Variants in LRP2 observed in about 807,000 individuals in gnomAD.
LRP2 encodes low-density lipoprotein receptor-related protein 2.
LRP2 carries 172 observed loss-of-function variants against 531.0 expected under a neutral mutation model. That is an observed-to-expected ratio of 0.32 (90% CI 0.29 to 0.37). LRP2 has a LOEUF of 0.37. Ranked by LOEUF, LRP2 falls within the 10% of genes least tolerant of loss-of-function variation. LRP2 has a pLI of 1.00. For synonymous variants in LRP2, 1,992 were observed against 2,027.6 expected (o/e 0.98, Z 0.47); for missense variants, 5,167 against 5,868.3 (o/e 0.88, Z 3.90).
chr2:169,128,219 C>T lies in LRP2; in HGVS notation c.*444G>A, dbSNP rs114836292. On this transcript the variant is annotated 3_prime_UTR_variant, in exon 79 of 79. Coordinates refer to ENST00000649046, the MANE Select transcript of LRP2 (RefSeq NM_004525.3). The stretch of plus-strand genomic sequence containing the variant: ...TAATGTGTAAAAATGGACCCAAGAG[C>T]GGGGCCTGGATTCCTTTCCTAGATA... 2.7e-3 allele frequency: 485 copies of T among 178,630 alleles called. 2 individuals carry two copies. Among genetic ancestry groups the T allele is most frequent in the African/African-American group, 0.011 (447 of 41,636 alleles). The allele number at this position is 178,630 out of a possible 1,614,324, so 11.1% of individuals were successfully genotyped here. A position where few individuals can be genotyped will look rare whatever the true frequency, so the allele number is the denominator to read the frequency against.
intron 62 of LRP2, among the ~76,000 whole-genome samples, chr2:169,165,617 C>G (rs1161653654): frequency 1.3e-5 from 2 of 152,142 alleles, no homozygotes; most frequent in Non-Finnish European, 2.9e-5. Flanking sequence ...CGAGGTGTGG[C>G]TCAATCAGTA....
At chr2:169,226,314 A>G (rs918854181) in intron 32 of LRP2, 108 bp downstream of exon 32, 2 of 881,592 alleles carry the variant, frequency 2.3e-6, no homozygotes, top group Admixed American at 2.0e-5. Flanking sequence ...TTATTTCCAC[A>G]TTGTTTCCCT....
chr2:169,129,983 G>A (rs931929437), intron 77 of LRP2, among the ~76,000 whole-genome samples: 3 of 152,168 alleles, frequency 2.0e-5, no homozygotes, highest in Admixed American at 2.0e-4. Flanking sequence ...GTGGAGGAGT[G>A]GGGAACACAG....
intron 23 of LRP2, 60 bp from the exon 24 acceptor site, chr2:169,243,132 A>C (rs1175648387): frequency 6.6e-6 from 9 of 1,366,318 alleles, no homozygotes; most frequent in Non-Finnish European, 3.1e-6. Flanking sequence ...CTAAACACTG[A>C]GATTTTTCTT....
At chr2:169,187,889 G>A in intron 49 of LRP2, 81 bp downstream of exon 49, 1 of 1,434,432 alleles carries the variant, frequency 7.0e-7, no homozygotes, top group Non-Finnish European at 9.8e-7. Context: ...AGGACAGGTT[G>A]GAAAGTCTAA....
intron 3 of LRP2, among the ~76,000 whole-genome samples, chr2:169,307,939 A>G (rs1684470569): frequency 6.6e-6 from 1 of 152,216 alleles, no homozygotes; most frequent in Non-Finnish European, 1.5e-5. Context: ...TGATTAGTAT[A>G]GGTGAAAGCA....
chr2:169,289,874 C>G (rs1206652053), intron 8 of LRP2, among the ~76,000 whole-genome samples: 1 of 150,516 alleles, frequency 6.6e-6, no homozygotes, highest in African/African-American at 2.4e-5. Flanking sequence ...AATGGGCTCC[C>G]AAATGAAATA....
chr2:169,320,233 GA>G (rs1365066287), intron 2 of LRP2, among the ~76,000 whole-genome samples: 2 of 152,244 alleles, frequency 1.3e-5, no homozygotes, highest in African/African-American at 4.8e-5. Context: ...TAATTAATTA[GA>G]TTTGAAGTTT....
At chr2:169,271,941 A>G (rs1683428983) in intron 15 of LRP2, among the ~76,000 whole-genome samples, 1 of 152,152 alleles carries the variant, frequency 6.6e-6, no homozygotes, top group South Asian at 2.1e-4. Flanking sequence ...CAAGAAGATG[A>G]AGGAGGTATG....
intron 76 of LRP2, among the ~76,000 whole-genome samples, chr2:169,134,586 G>C (rs564564131): frequency 9.9e-5 from 15 of 152,264 alleles, no homozygotes; most frequent in African/African-American, 3.6e-4. Context: ...CTATGCTATA[G>C]TATCTTCCAC....
intron 53 of LRP2, among the ~76,000 whole-genome samples, chr2:169,177,299 T>A (rs1000796717): frequency 2.0e-5 from 3 of 152,136 alleles, no homozygotes; most frequent in Non-Finnish European, 4.4e-5. Context: ...GAATATAAGT[T>A]CACAATCAAA....
chr2:169,219,031 A>C (rs984412096), intron 34 of LRP2, among the ~76,000 whole-genome samples: 5 of 152,172 alleles, frequency 3.3e-5, no homozygotes, highest in Admixed American at 3.3e-4. Flanking sequence ...CCACCCAACA[A>C]AGGTACACAA....
At chr2:169,235,514 C>T (rs1689573489) in intron 29 of LRP2, among the ~76,000 whole-genome samples, 1 of 152,190 alleles carries the variant, frequency 6.6e-6, no homozygotes, top group African/African-American at 2.4e-5. Context: ...GCTGGGATCA[C>T]AGGCGTGAGC....
intron 70 of LRP2, among the ~76,000 whole-genome samples, 183 bp from the exon 71 acceptor site, chr2:169,142,976 G>A (rs752689915): frequency 1.3e-5 from 2 of 152,158 alleles, no homozygotes; most frequent in Non-Finnish European, 2.9e-5. Context: ...ACACTGCAGT[G>A]GGATAGTCCC....
chr2:169,209,681 G>T, intron 37 of LRP2, 40 bp from the exon 38 acceptor site: 1 of 1,591,670 alleles, frequency 6.3e-7, no homozygotes, highest in Non-Finnish European at 8.6e-7. Flanking sequence ...TGCTGTCACT[G>T]AAATTAGAAC....
intron 1 of LRP2, among the ~76,000 whole-genome samples, chr2:169,327,144 GCCCCCCGCCCGGCC>G (rs1685094111): frequency 1.4e-5 from 2 of 140,474 alleles, no homozygotes; most frequent in African/African-American, 5.1e-5. Context: ...GGGGGGGTCA[GCCCCCCGCCCGGCC>G]AGCCGCCCCG....
At chr2:169,220,969 C>T (rs1419514076) in intron 33 of LRP2, among the ~76,000 whole-genome samples, 1 of 152,102 alleles carries the variant, frequency 6.6e-6, no homozygotes, top group Non-Finnish European at 1.5e-5. Flanking sequence ...CCAAGGCACT[C>T]GGTGGCCAGT....
intron 31 of LRP2, among the ~76,000 whole-genome samples, chr2:169,228,329 T>A (rs1043640626): frequency 1.3e-4 from 18 of 143,890 alleles, no homozygotes; most frequent in South Asian, 1.1e-3. Context: ...AAAAAAAAAA[T>A]GCTAGATTAT....
At chr2:169,263,887 A>C (rs1257145504) in intron 16 of LRP2, among the ~76,000 whole-genome samples, 1 of 152,280 alleles carries the variant, frequency 6.6e-6, no homozygotes, top group Non-Finnish European at 1.5e-5. Context: ...AAAATGTGGC[A>C]CATATATGCC....
Sources: allele counts gnomAD v4.1 joint callset (sites outside exome capture counted in the v4.1 genomes callset), GRCh38; gene constraint gnomAD v4.1.1; transcripts MANE v1.5; gene names NCBI Gene and HGNC (gene_info 2026-07-23, HGNC 2026-07-21).